Variants in TMPRSS11E observed in about 807,000 individuals in gnomAD.
The protein encoded by TMPRSS11E is transmembrane protease serine 11E.
TMPRSS11E carries 38 observed loss-of-function variants against 48.1 expected under a neutral mutation model. That is an observed-to-expected ratio of 0.79 (90% confidence interval 0.61 to 1.04). The LOEUF (loss-of-function observed/expected upper bound fraction) is 1.04. Ranked by LOEUF, TMPRSS11E falls within the 50% of genes least tolerant of loss-of-function variation. The probability of loss-of-function intolerance (pLI) is 0.00; values close to 1 mark genes in which losing one functional copy is unlikely to be tolerated. For synonymous variants in TMPRSS11E, 158 were observed against 171.9 expected, an observed-to-expected ratio of 0.92 and a Z score of 0.63; for missense variants, 530 against 510.8, an observed-to-expected ratio of 1.04 and a Z score of -0.36.
At chr4:68,459,926 G>A (rs1728741488) in intron 1 of TMPRSS11E, among the ~76,000 whole-genome samples, 1 of 152,092 alleles carries the variant, frequency 6.6e-6, no homozygotes, top group Non-Finnish European at 1.5e-5. Context: ...CAGTTTTGGG[G>A]GTTTCTTAGG....
intron 6 of TMPRSS11E, among the ~76,000 whole-genome samples, chr4:68,475,900 A>G (rs962257735): frequency 6.6e-6 from 1 of 152,236 alleles, no homozygotes; most frequent in South Asian, 2.1e-4. Context: ...GTCAGTATGT[A>G]TACATACACA....
intron 5 of TMPRSS11E, among the ~76,000 whole-genome samples, chr4:68,472,845 C>T (rs1729112467): frequency 6.6e-6 from 1 of 151,984 alleles, no homozygotes; most frequent in East Asian, 1.9e-4. Context: ...TCGCTCTCGA[C>T]TTTCCATGGT....
At chr4:68,476,187 G>T in intron 6 of TMPRSS11E, 74 bp from the exon 7 acceptor site, 1 of 1,591,948 alleles carries the variant, frequency 6.3e-7, no homozygotes, top group Non-Finnish European at 8.6e-7. Context: ...ATGGGACATA[G>T]TAACACAATT....
At chr4:68,481,318 C>A (rs1234981045) in intron 9 of TMPRSS11E, among the ~76,000 whole-genome samples, 1 of 151,960 alleles carries the variant, frequency 6.6e-6, no homozygotes, top group African/African-American at 2.4e-5. Context: ...TATAATATAC[C>A]CAGTAATGGG....
At chr4:68,481,364 T>C (rs1729394687) in intron 9 of TMPRSS11E, among the ~76,000 whole-genome samples, 1 of 152,228 alleles carries the variant, frequency 6.6e-6, no homozygotes, top group African/African-American at 2.4e-5. Flanking sequence ...TCTTAATTTC[T>C]TTGAGAAATC....
chr4:68,474,745 C>A lies in TMPRSS11E; in HGVS notation c.513C>A (p.Asp171Glu), dbSNP rs925013905. The change falls in exon 6 of 10, where the codon GAC becomes GAA. Residue 171 changes from aspartate (D) to glutamate (E), a missense_variant. Physicochemically the swap from Asp to Glu is conservative, Grantham distance 45. Transcript: ENST00000305363. Reference sequence around the variant, plus strand: ...CAGAAATCAACAAGACAGAAACAGACAGCTATCTAAACCATTGTAAGTTTA... The same window carrying A: ...CAGAAATCAACAAGACAGAAACAGAAAGCTATCTAAACCATTGTAAGTTTA... The part of the protein sequence containing the change: ...KIKKINKTET[D>E]SYLNHCCGTR... The A allele has an allele frequency of 1.0e-4, 160 of 1,603,744 alleles. 1 individual carries two copies. The highest frequency in any genetic ancestry group is 3.5e-4 in the Admixed American group (20 of 57,678).
chr4:68,477,424 A>G lies in TMPRSS11E; in HGVS notation c.763A>G (p.Lys255Glu), dbSNP rs776257591. The G allele has an allele frequency of 6.2e-7, 1 of 1,614,144 alleles. No individual in the cohort carries two copies. Among genetic ancestry groups the G allele is most frequent in the Non-Finnish European group, 8.5e-7 (1 of 1,179,966 alleles). ...ASFGVTIKPS[K>E]MKRGLRRIIV... ...CTTTGGAGTAACAATAAAACCTTCG[A>G]AAATGAAACGGGGTCTCCGGAGAAT... Residue 255 changes from lysine (K) to glutamate (E), a missense_variant, in exon 8 of 10, where the codon AAA becomes GAA. Physicochemically the swap from Lys to Glu is moderately conservative, Grantham distance 56. Transcript: ENST00000305363.
chr4:68,447,857 CTTTG>C (rs1728384496), intron 1 of TMPRSS11E, among the ~76,000 whole-genome samples: 2 of 151,462 alleles, frequency 1.3e-5, no homozygotes, highest in East Asian at 1.9e-4. Context: ...TTAGCTTGGG[CTTTG>C]TTTGTCTTAT....
intron 2 of TMPRSS11E, among the ~76,000 whole-genome samples, chr4:68,463,739 T>C (rs897058213): frequency 1.3e-5 from 2 of 152,218 alleles, no homozygotes; most frequent in Admixed American, 1.3e-4. Flanking sequence ...TTACACACTT[T>C]TGTGTGTCTA....
intron 1 of TMPRSS11E, among the ~76,000 whole-genome samples, chr4:68,450,708 T>A (rs1271949313): frequency 3.3e-5 from 5 of 151,948 alleles, no homozygotes; most frequent in African/African-American, 9.7e-5. Flanking sequence ...AAAAACATTT[T>A]AAAAAATGCA....
At chr4:68,457,935 G>A (rs1025811325) in intron 1 of TMPRSS11E, among the ~76,000 whole-genome samples, 2 of 152,054 alleles carry the variant, frequency 1.3e-5, no homozygotes, top group African/African-American at 4.8e-5. Flanking sequence ...CCTATCAGTG[G>A]GTGGGGGGCT....
intron 9 of TMPRSS11E, among the ~76,000 whole-genome samples, chr4:68,480,835 A>G (rs548788375): frequency 6.6e-6 from 1 of 152,230 alleles, no homozygotes; most frequent in East Asian, 1.9e-4. Context: ...CAGAGGTTAC[A>G]TCTGCAGGAT....
chr4:68,472,371 C>A (rs1245638697), intron 5 of TMPRSS11E, among the ~76,000 whole-genome samples: 1 of 151,960 alleles, frequency 6.6e-6, no homozygotes, highest in Non-Finnish European at 1.5e-5. Flanking sequence ...TTTGTATATT[C>A]AACCCAATAT....
intron 2 of TMPRSS11E, among the ~76,000 whole-genome samples, chr4:68,462,543 G>A (rs894565456): frequency 3.0e-4 from 45 of 151,370 alleles, no homozygotes; most frequent in African/African-American, 1.0e-3. Context: ...AGATCACACC[G>A]CTGCACTCCA....
intron 1 of TMPRSS11E, among the ~76,000 whole-genome samples, chr4:68,459,538 C>T (rs961118626): frequency 3.3e-5 from 5 of 151,780 alleles, no homozygotes; most frequent in African/African-American, 7.3e-5. Flanking sequence ...TTATGAAAAC[C>T]GAAACATGAA....
At chr4:68,454,038 T>C (rs1728564529) in intron 1 of TMPRSS11E, among the ~76,000 whole-genome samples, 1 of 151,930 alleles carries the variant, frequency 6.6e-6, no homozygotes, top group South Asian at 2.1e-4. Flanking sequence ...CAAGGGGCAC[T>C]ATTTGATTTT....
intron 4 of TMPRSS11E, among the ~76,000 whole-genome samples, chr4:68,470,341 A>G (rs530361192): frequency 6.6e-6 from 1 of 151,690 alleles, no homozygotes; most frequent in Non-Finnish European, 1.5e-5. Context: ...CAAAATCACC[A>G]CTGATGCAAA....
At position 68,471,569 on chromosome 4, in the gene TMPRSS11E, C is replaced by T. The variant is rs1357621537; in HGVS notation, c.436C>T (p.Leu146=). 6.2e-7 allele frequency: 1 copy of T among 1,611,020 alleles called. No individual in the cohort carries two copies. The highest frequency in any genetic ancestry group is 2.2e-5 in the East Asian group (1 of 44,710). ...KIVQLVLHEK[L]QDAVGPPKVD... is the part of the protein sequence containing the mutation. ...TGTTCAACTTGTTTTACATGAAAAG[C>T]TGCAAGATGCTGTAGGACCCCCTAA... is the stretch of plus-strand genomic sequence containing the variant. Residue 146 remains leucine (L), a synonymous_variant, in exon 5 of 10, where the codon CTG becomes TTG. Coordinates refer to ENST00000305363, the MANE Select transcript of TMPRSS11E (RefSeq NM_014058.4).
chr4:68,477,780 G>A (rs549986541), intron 8 of TMPRSS11E, 152 bp downstream of exon 8: 1 of 959,238 alleles, frequency 1.0e-6, no homozygotes, highest in Non-Finnish European at 1.6e-6. Flanking sequence ...AACTTGGAAG[G>A]CACAAAAATT....
Sources: gnomAD v4.1 joint callset for allele counts (sites outside exome capture counted in the v4.1 genomes callset) on GRCh38, gnomAD v4.1.1 for gene constraint, MANE v1.5 for transcripts, NCBI Gene and HGNC (gene_info 2026-07-23, HGNC 2026-07-21) for gene names.